CHL1: variants seen among roughly 807,000 people sequenced by gnomAD.
The protein encoded by CHL1 is cell adhesion molecule L1 like.
Under a neutral mutation model 141.9 loss-of-function variants are expected in CHL1, and 96 were observed. The ratio of observed to expected loss-of-function variants is 0.68; its 90% CI spans 0.57 to 0.80. The LOEUF (loss-of-function observed/expected upper bound fraction) is 0.80, where lower values mean the gene tolerates loss of function less well. CHL1 is among the 30% of genes least tolerant of loss of function. CHL1 has a pLI of 0.00. For synonymous variants in CHL1, 613 were observed against 502.2 expected, an observed-to-expected ratio of 1.22 and a Z score of -2.95; for missense variants, 1,820 against 1,457.2, an observed-to-expected ratio of 1.25 and a Z score of -4.05.
At chr3:319,658 C>A in intron 2 of CHL1, 25 bp from the exon 3 acceptor site, 14 of 463,192 alleles carry the variant, frequency 3.0e-5, no homozygotes, top group East Asian at 4.6e-5. Context: ...TGTGAACTAA[C>A]ATGTTATTCT....
intron 9 of CHL1, among the ~76,000 whole-genome samples, chr3:347,730 G>C (rs1195477823): frequency 1.3e-5 from 2 of 152,182 alleles, no homozygotes; most frequent in Admixed American, 1.3e-4. Context: ...GCAGTTAGGA[G>C]ACTTGAGCTA....
At chr3:252,957 A>G (rs1693838102) in intron 2 of CHL1, among the ~76,000 whole-genome samples, 1 of 152,118 alleles carries the variant, frequency 6.6e-6, no homozygotes, top group Non-Finnish European at 1.5e-5. Flanking sequence ...GTAACTATAT[A>G]GAAATGAACA....
intron 4 of CHL1, among the ~76,000 whole-genome samples, chr3:326,788 TG>T (rs1553567513): frequency 6.6e-6 from 1 of 151,932 alleles, no homozygotes; most frequent in Non-Finnish European, 1.5e-5. Flanking sequence ...TTATTCTGCA[TG>T]ATTATCTTAT....
intron 15 of CHL1, among the ~76,000 whole-genome samples, chr3:371,054 T>G (rs967351193): frequency 6.6e-6 from 1 of 152,180 alleles, no homozygotes; most frequent in South Asian, 2.1e-4. Context: ...AAGGGTGATG[T>G]GGTGCTGAGA....
chr3:199,918 G>A (rs1698760825), intron 1 of CHL1, among the ~76,000 whole-genome samples: 1 of 152,138 alleles, frequency 6.6e-6, no homozygotes, highest in African/African-American at 2.4e-5. Flanking sequence ...AGTAATAGTT[G>A]GGGAACTACT....
chr3:235,102 A>C (rs407738), intron 1 of CHL1, among the ~76,000 whole-genome samples: 15,335 of 151,908 alleles, frequency 0.1, 1,104 homozygotes, highest in East Asian at 0.38. Flanking sequence ...GCGCTCACCC[A>C]CTAACTCGTC....
intron 1 of CHL1, among the ~76,000 whole-genome samples, chr3:234,852 T>G (rs973175673): frequency 1.3e-5 from 2 of 152,158 alleles, no homozygotes; most frequent in African/African-American, 4.8e-5. Flanking sequence ...ACAAAGACCC[T>G]TTGTACAATG....
At chr3:310,744 G>T (rs972909139) in intron 2 of CHL1, among the ~76,000 whole-genome samples, 10 of 152,104 alleles carry the variant, frequency 6.6e-5, no homozygotes, top group Non-Finnish European at 1.0e-4. Flanking sequence ...TATCAATAAC[G>T]CCCCAAATCT....
At chr3:397,221 C>A (rs997206629) in intron 24 of CHL1, among the ~76,000 whole-genome samples, 1 of 152,098 alleles carries the variant, frequency 6.6e-6, no homozygotes, top group Non-Finnish European at 1.5e-5. Context: ...TTTTCAAGGT[C>A]AAAATTAATT....
chr3:341,295 G>C (rs947067017), intron 6 of CHL1, among the ~76,000 whole-genome samples: 1 of 152,094 alleles, frequency 6.6e-6, no homozygotes, highest in Non-Finnish European at 1.5e-5. Context: ...GCTTTGTAAA[G>C]TCTACTTCTA....
chr3:384,929 A>T (rs1707494731), intron 19 of CHL1, among the ~76,000 whole-genome samples: 2 of 152,188 alleles, frequency 1.3e-5, no homozygotes, highest in African/African-American at 2.4e-5. Context: ...TTTAGTCAAT[A>T]TTTTTTAGAT....
chr3:202,313 C>T (rs534354552), intron 1 of CHL1, among the ~76,000 whole-genome samples: 4 of 152,056 alleles, frequency 2.6e-5, no homozygotes, highest in African/African-American at 4.8e-5. Context: ...AGGGACAGAG[C>T]GTATGTGTGT....
chr3:390,252 A>G (rs1482719030), intron 20 of CHL1, among the ~76,000 whole-genome samples: 1 of 152,266 alleles, frequency 6.6e-6, no homozygotes, highest in East Asian at 1.9e-4. Context: ...CTCCTGTAGA[A>G]CAGAGATAAT....
intron 2 of CHL1, among the ~76,000 whole-genome samples, chr3:310,607 C>T (rs1444015009): frequency 6.6e-6 from 1 of 152,026 alleles, no homozygotes; most frequent in Admixed American, 6.6e-5. Flanking sequence ...GTTTTAGGTT[C>T]ACAGCAAAAT....
intron 2 of CHL1, among the ~76,000 whole-genome samples, chr3:291,990 A>G (rs918415196): frequency 1.3e-5 from 2 of 152,184 alleles, no homozygotes; most frequent in African/African-American, 4.8e-5. Flanking sequence ...TCAAATGTTC[A>G]TTTTGATGTC....
chr3:213,433 C>G (rs1700056149), intron 1 of CHL1: 1 of 152,154 alleles, frequency 6.6e-6, no homozygotes, highest in Non-Finnish European at 1.5e-5. Flanking sequence ...AAAATCACTG[C>G]TGGATAGGTG....
intron 8 of CHL1, 133 bp from the exon 9 acceptor site, chr3:344,456 A>C (rs1190902173): frequency 1.1e-5 from 6 of 539,866 alleles, no homozygotes; most frequent in Non-Finnish European, 1.8e-5. Flanking sequence ...AATATGTGAA[A>C]TGTGTATAGA....
chr3:264,706 A>C (rs1695013228), intron 2 of CHL1, among the ~76,000 whole-genome samples: 1 of 152,334 alleles, frequency 6.6e-6, no homozygotes, highest in Non-Finnish European at 1.5e-5. Flanking sequence ...TCTTTTAACA[A>C]AGGACATCTG....
At chr3:284,549 G>A (rs963139373) in intron 2 of CHL1, among the ~76,000 whole-genome samples, 5 of 152,190 alleles carry the variant, frequency 3.3e-5, no homozygotes, top group African/African-American at 9.6e-5. Context: ...TGACAATGCC[G>A]TGAAAACTGG....
Sources: allele counts gnomAD v4.1 joint callset (sites outside exome capture counted in the v4.1 genomes callset), GRCh38; gene constraint gnomAD v4.1.1; transcripts MANE v1.5; gene names NCBI Gene and HGNC (gene_info 2026-07-23, HGNC 2026-07-21).